The following GLIS3 variants were observed in gnomAD, a reference collection of about 807,000 sequenced individuals.
GLIS3 encodes the protein zinc finger protein GLIS3.
A neutral mutation model predicts 78.6 loss-of-function variants in GLIS3; 53 were observed. The observed-to-expected ratio is 0.67, with a 90% CI of 0.54 to 0.85. The LOEUF (loss-of-function observed/expected upper bound fraction) is 0.85. Among genes scored for constraint, GLIS3 ranks in the 40% least tolerant of loss-of-function variants. The probability of loss-of-function intolerance (pLI) is 0.00; values close to 1 mark genes in which losing one functional copy is unlikely to be tolerated. For missense variants in GLIS3, 1,703 were observed against 1,231.1 expected, an observed-to-expected ratio of 1.38 and a Z score of -5.74; for synonymous variants, 684 against 509.9, an observed-to-expected ratio of 1.34 and a Z score of -4.60.
chr9:4,351,592 G>A (rs1381395130), upstream of GLIS3, among the ~76,000 whole-genome samples: 1 of 152,094 alleles, frequency 6.6e-6, no homozygotes, highest in Non-Finnish European at 1.5e-5. Context: ...CAGATTTAGT[G>A]AAATTTTCAT....
chr9:4,264,935 G>C (rs926325485), intron 2 of GLIS3, among the ~76,000 whole-genome samples: 5 of 152,006 alleles, frequency 3.3e-5, no homozygotes, highest in African/African-American at 1.2e-4. Context: ...GGGATGCCCA[G>C]GTGGGTGGAT....
chr9:3,944,172 C>G (rs1227899337), intron 4 of GLIS3, among the ~76,000 whole-genome samples: 2 of 151,790 alleles, frequency 1.3e-5, no homozygotes, highest in African/African-American at 4.8e-5. Context: ...CATGAGAGTT[C>G]GGCTTAAAAA....
intron 2 of GLIS3, among the ~76,000 whole-genome samples, chr9:4,225,174 A>G (rs755424661): frequency 6.6e-6 from 1 of 152,094 alleles, no homozygotes; most frequent in Non-Finnish European, 1.5e-5. Flanking sequence ...GTAAGTTAAT[A>G]AGATGAGACC....
intron 1 of GLIS3, among the ~76,000 whole-genome samples, chr9:4,297,569 C>A (rs1360855892): frequency 1.3e-5 from 2 of 152,294 alleles, no homozygotes; most frequent in African/African-American, 2.4e-5. Flanking sequence ...TTGGTTCTGC[C>A]GGCTCGGGGA....
chr9:3,941,683 G>C (rs947108511), intron 4 of GLIS3, among the ~76,000 whole-genome samples: 4 of 152,164 alleles, frequency 2.6e-5, no homozygotes, highest in African/African-American at 9.7e-5. Context: ...GAAACTGTAA[G>C]TGATAGAACT....
At chr9:4,143,973 T>A (rs774040764) in intron 2 of GLIS3, among the ~76,000 whole-genome samples, 1 of 152,220 alleles carries the variant, frequency 6.6e-6, no homozygotes, top group Admixed American at 6.5e-5. Context: ...AGACGACGTC[T>A]CCCTTCCTGT....
intron 2 of GLIS3, 186 bp downstream of exon 2, chr9:4,285,852 C>T: frequency 4.4e-6 from 3 of 685,354 alleles, no homozygotes; most frequent in South Asian, 1.7e-5. Context: ...GCATTTACCA[C>T]TGTGGTCCCC....
At chr9:4,005,428 C>CT (rs1821466000) in intron 4 of GLIS3, among the ~76,000 whole-genome samples, 1 of 152,130 alleles carries the variant, frequency 6.6e-6, no homozygotes, top group Non-Finnish European at 1.5e-5. Flanking sequence ...TCACAGGGGG[C>CT]TAATAGGAGG....
rs149419123 is a variant in GLIS3, at chr9:3,950,861, T to TC, written c.1711-13673dup. On this transcript the variant is annotated intron_variant, in intron 4 of 10. Transcript: ENST00000381971. The stretch of plus-strand genomic sequence containing the variant: ...ATTAAAATGCTTTCTTCCTCTCTTC[T>TC]CCTCCCTCCCTCGCTTTCTTTCTCT... Among the ~76,000 whole-genome samples the TC allele has an allele frequency of 8.3e-3, 1,269 of 152,308 alleles. 10 individuals are homozygous for TC. Among genetic ancestry groups the TC allele is most frequent in the Non-Finnish European group, 0.014 (957 of 68,018 alleles).
intron 7 of GLIS3, among the ~76,000 whole-genome samples, chr9:3,882,658 C>T (rs1821811733): frequency 6.6e-6 from 1 of 152,174 alleles, no homozygotes; most frequent in South Asian, 2.1e-4. Context: ...ACCAGTCAAG[C>T]CCACATCCAT....
At chr9:4,077,780 A>G (rs1328827739) in intron 4 of GLIS3, among the ~76,000 whole-genome samples, 1 of 152,180 alleles carries the variant, frequency 6.6e-6, no homozygotes, top group African/African-American at 2.4e-5. Flanking sequence ...TCATCTTGGC[A>G]GCAGCAGTGG....
At chr9:4,057,037 A>T (rs1380122902) in intron 4 of GLIS3, among the ~76,000 whole-genome samples, 4 of 151,476 alleles carry the variant, frequency 2.6e-5, no homozygotes, top group Non-Finnish European at 4.4e-5. Context: ...CATACTGGCC[A>T]TGCATCTCCC....
At chr9:4,006,512 G>C (rs1355245638) in intron 4 of GLIS3, among the ~76,000 whole-genome samples, 1 of 152,128 alleles carries the variant, frequency 6.6e-6, no homozygotes, top group Admixed American at 6.5e-5. Context: ...ACCTAGGATG[G>C]TTTGCTGGTG....
chr9:4,094,205 C>T (rs148857643), intron 4 of GLIS3, among the ~76,000 whole-genome samples: 1 of 152,152 alleles, frequency 6.6e-6, no homozygotes, highest in South Asian at 2.1e-4. Flanking sequence ...GGAAAACAAG[C>T]TGGGTCATCA....
the GLIS3 span, among the ~76,000 whole-genome samples, chr9:4,457,428 A>T: frequency 1.3e-5 from 2 of 151,914 alleles, no homozygotes; most frequent in Non-Finnish European, 2.9e-5. Flanking sequence ...ACCCTCTGGA[A>T]GGAGGAAAAG....
rs192761589 is a variant in GLIS3 at position 4,278,830 on chromosome 9, A to G, written c.388+7208T>C. Among the ~76,000 whole-genome samples, 408 of 152,368 alleles carry G rather than the reference A, an allele frequency of 2.7e-3. 3 individuals carry two copies. The highest frequency in any genetic ancestry group is 4.5e-3 in the Admixed American group (69 of 15,312). ...CACCACCTTAGCCAGGTGATCAAAT[A>G]TAGCATCACAAATACTAGGATGAAG... On this transcript the variant is annotated intron_variant, in intron 2 of 10. Transcript: ENST00000381971.
At chr9:4,236,204 A>AAAAAAAAAG (rs536737911) in intron 2 of GLIS3, among the ~76,000 whole-genome samples, 971 of 86,324 alleles carry the variant, frequency 0.011, 11 homozygotes, top group Non-Finnish European at 0.012. Context: ...AAAAAAAAAA[A>AAAAAAAAAG]AAAGAAAGAA....
chr9:4,217,170 T>A (rs983385635), intron 2 of GLIS3, among the ~76,000 whole-genome samples: 1 of 152,090 alleles, frequency 6.6e-6, no homozygotes, highest in African/African-American at 2.4e-5. Flanking sequence ...CTCATCAACA[T>A]AGTCATGAAC....
chr9:4,195,752 G>A (rs918239004), intron 2 of GLIS3, among the ~76,000 whole-genome samples: 1 of 152,268 alleles, frequency 6.6e-6, no homozygotes, highest in African/African-American at 2.4e-5. Context: ...AGTCGGGTGG[G>A]GTCTTGGAGA....
Sources: gnomAD v4.1 joint callset for allele counts (sites outside exome capture counted in the v4.1 genomes callset) on GRCh38, gnomAD v4.1.1 for gene constraint, MANE v1.5 for transcripts, NCBI Gene and HGNC (gene_info 2026-07-23, HGNC 2026-07-21) for gene names.